The following DLGAP2 variants were observed in gnomAD, a reference collection of about 807,000 sequenced individuals.
DLGAP2 encodes the protein disks large-associated protein 2.
A neutral mutation model predicts 100.3 loss-of-function variants in DLGAP2; 26 were observed. The observed-to-expected ratio is 0.26, with a 90% confidence interval of 0.19 to 0.36. DLGAP2 has a LOEUF of 0.36. DLGAP2 is among the 10% of genes least tolerant of loss of function. The pLI is 1.00. For synonymous variants in DLGAP2, 886 were observed against 630.1 expected (o/e 1.41, Z -6.08); for missense variants, 1,858 against 1,453.2 (o/e 1.28, Z -4.53).
At chr8:1,070,198 C>G (rs1340593672) in intron 2 of DLGAP2, among the ~76,000 whole-genome samples, 1 of 152,094 alleles carries the variant, frequency 6.6e-6, no homozygotes, top group African/African-American at 2.4e-5. Flanking sequence ...TCGGCGAGTC[C>G]TTTCTTGCCT....
chr8:1,482,007 C>A (rs1247176055), intron 3 of DLGAP2, among the ~76,000 whole-genome samples: 1 of 152,206 alleles, frequency 6.6e-6, no homozygotes, highest in Non-Finnish European at 1.5e-5. Flanking sequence ...CCTGTGGAAC[C>A]AGGTCTGTGT....
intron 2 of DLGAP2, among the ~76,000 whole-genome samples, chr8:1,188,463 C>A (rs552812207): frequency 7.4e-6 from 1 of 135,290 alleles, no homozygotes; most frequent in Non-Finnish European, 1.5e-5. Context: ...CACGGAATCT[C>A]GCACGCCCGG....
At chr8:1,680,405 G>C (rs1798916198) in intron 12 of DLGAP2, 1 of 152,246 alleles carries the variant, frequency 6.6e-6, no homozygotes, top group Admixed American at 6.5e-5. Context: ...TCGGCAGTCT[G>C]AGAAAATCAA....
intron 2 of DLGAP2, among the ~76,000 whole-genome samples, chr8:1,226,143 C>T (rs1239503997): frequency 2.0e-5 from 3 of 152,046 alleles, no homozygotes; most frequent in Non-Finnish European, 4.4e-5. Context: ...TCAGTTTAAA[C>T]CATGGGCATT....
intron 2 of DLGAP2, among the ~76,000 whole-genome samples, chr8:981,706 C>A (rs940404698): frequency 6.6e-6 from 1 of 152,064 alleles, no homozygotes; most frequent in Non-Finnish European, 1.5e-5. Flanking sequence ...ATTTATTATC[C>A]ATTTGTTCAT....
intron 1 of DLGAP2, among the ~76,000 whole-genome samples, chr8:769,904 A>T (rs1470925702): frequency 6.6e-6 from 1 of 152,164 alleles, no homozygotes; most frequent in Non-Finnish European, 1.5e-5. Flanking sequence ...ACCACGGCTG[A>T]GCTGACTGGC....
intron 3 of DLGAP2, among the ~76,000 whole-genome samples, chr8:1,480,847 C>G (rs557579438): frequency 6.7e-6 from 1 of 149,138 alleles, no homozygotes; most frequent in African/African-American, 2.5e-5. Flanking sequence ...GCCTGGGAAA[C>G]AAGAACGAAA....
intron 3 of DLGAP2, among the ~76,000 whole-genome samples, chr8:1,377,294 C>T (rs969703155): frequency 6.6e-6 from 1 of 152,206 alleles, no homozygotes; most frequent in Non-Finnish European, 1.5e-5. Flanking sequence ...CCTGTAATCC[C>T]AGCACTTTGG....
intron 2 of DLGAP2, among the ~76,000 whole-genome samples, chr8:987,738 C>G (rs1800529539): frequency 6.6e-6 from 1 of 152,148 alleles, no homozygotes; most frequent in Non-Finnish European, 1.5e-5. Context: ...AAGCCCACTC[C>G]TTTCACCAAG....
chr8:1,428,005 A>T lies in DLGAP2; in HGVS notation c.107-73361A>T, dbSNP rs565376111. ...AAAATGCAACTTAGATTGCAACCTT[A>T]AAAGTTCATACATGTATTTATTGGA... On this transcript the variant is annotated intron_variant, in intron 3 of 14. Transcript: ENST00000637795. Among the ~76,000 whole-genome samples, 24 of 152,338 alleles carry T rather than the reference A, an allele frequency of 1.6e-4. 1 individual carries two copies. In the South Asian group the frequency reaches 4.8e-3, roughly 30 times the overall value.
intron 2 of DLGAP2, among the ~76,000 whole-genome samples, chr8:1,108,669 T>G (rs975540395): frequency 7.0e-6 from 1 of 142,168 alleles, no homozygotes; most frequent in Non-Finnish European, 1.5e-5. Flanking sequence ...GTCTGTGAGG[T>G]GTGCACGGGT....
chr8:1,043,343 G>A (rs949817520), intron 2 of DLGAP2, among the ~76,000 whole-genome samples: 1 of 148,478 alleles, frequency 6.7e-6, no homozygotes, highest in Non-Finnish European at 1.5e-5. Context: ...GTGGGTGGTG[G>A]GTGTGGGTGG....
intron 6 of DLGAP2, among the ~76,000 whole-genome samples, chr8:1,608,301 G>T (rs1490427552): frequency 1.8e-5 from 2 of 110,910 alleles, no homozygotes; most frequent in African/African-American, 5.9e-5. Flanking sequence ...ACACGGCAGG[G>T]TATTCCAACA....
chr8:1,698,285 G>T (rs1212608553), intron 14 of DLGAP2, among the ~76,000 whole-genome samples: 2 of 151,964 alleles, frequency 1.3e-5, no homozygotes, highest in East Asian at 1.9e-4. Context: ...CCATGCATGG[G>T]ACTAGGCAGG....
intron 4 of DLGAP2, among the ~76,000 whole-genome samples, chr8:1,519,335 G>C (rs1409375453): frequency 6.6e-6 from 1 of 152,066 alleles, no homozygotes; most frequent in African/African-American, 2.4e-5. Context: ...CTAAACATGT[G>C]CTTTGTGTGC....
At chr8:1,301,412 C>A (rs1049545940) in intron 3 of DLGAP2, 1 of 151,866 alleles carries the variant, frequency 6.6e-6, no homozygotes, top group Non-Finnish European at 1.5e-5. Context: ...AACTGATGGG[C>A]TTTGAGATTT....
intron 2 of DLGAP2, among the ~76,000 whole-genome samples, chr8:1,145,417 C>G (rs1796589363): frequency 1.3e-5 from 2 of 152,162 alleles, no homozygotes; most frequent in African/African-American, 4.8e-5. Context: ...CCTGGCTGAG[C>G]TGGTGTGTGG....
rs569991699 is a variant in DLGAP2, at chr8:943,814, C to G, written c.73+35848C>G. 2.0e-5 allele frequency among the ~76,000 whole-genome samples: 3 copies of G among 152,360 alleles called. No individual in the cohort carries two copies. In the South Asian group the frequency reaches 6.2e-4, roughly 32 times the overall value. On this transcript the variant is annotated intron_variant, in intron 2 of 14. Coordinates refer to ENST00000637795, the MANE Select transcript of DLGAP2 (RefSeq NM_001346810.2). ...TGATCTAACGCACTATTTAGTGAAA[C>G]ATTATGGATTAGATTGAAAATTGTC... is the stretch of plus-strand genomic sequence containing the variant.
At chr8:1,519,853 T>C (rs1800526018) in intron 4 of DLGAP2, among the ~76,000 whole-genome samples, 1 of 152,252 alleles carries the variant, frequency 6.6e-6, no homozygotes, top group Non-Finnish European at 1.5e-5. Flanking sequence ...CATGGCTTCC[T>C]TTGGGGGCAC....
Sources: allele counts gnomAD v4.1 joint callset (sites outside exome capture counted in the v4.1 genomes callset), GRCh38; gene constraint gnomAD v4.1.1; transcripts MANE v1.5; gene names NCBI Gene and HGNC (gene_info 2026-07-23, HGNC 2026-07-21).